The following ANKS1B variants were observed in gnomAD, a reference collection of about 807,000 sequenced individuals.
ANKS1B encodes the protein ankyrin repeat and sterile alpha motif domain containing 1B, also known as ankyrin repeat and sterile alpha motif domain-containing protein 1B.
In ANKS1B, 36 loss-of-function variants were observed where a neutral mutation model predicts 148.3. That is an observed-to-expected ratio of 0.24 (90% CI 0.19 to 0.32). The LOEUF is 0.32. ANKS1B is among the 10% of genes least tolerant of loss of function. The pLI is 1.00. For synonymous variants in ANKS1B, 542 were observed against 560.8 expected (o/e 0.97, Z 0.47); for missense variants, 1,157 against 1,542.6 (o/e 0.75, Z 4.19).
chr12:98,966,410 A>G (rs2099877932), intron 17 of ANKS1B, among the ~76,000 whole-genome samples: 1 of 152,220 alleles, frequency 6.6e-6, no homozygotes, highest in Non-Finnish European at 1.5e-5. Flanking sequence ...CAGGTGCCGG[A>G]GAGGCTGTGG....
chr12:98,740,148 T>C (rs560482039), downstream of ANKS1B, among the ~76,000 whole-genome samples: 6 of 152,322 alleles, frequency 3.9e-5, no homozygotes, highest in Admixed American at 6.5e-5. Context: ...TGTGTGGCTT[T>C]GGCTGTCAAG....
intron 12 of ANKS1B, among the ~76,000 whole-genome samples, chr12:99,313,865 G>A (rs749516996): frequency 2.0e-5 from 3 of 152,114 alleles, no homozygotes; most frequent in Non-Finnish European, 4.4e-5. Flanking sequence ...TACAAGACAA[G>A]GATGCCCTTT....
intron 17 of ANKS1B, among the ~76,000 whole-genome samples, chr12:98,945,680 A>G (rs1185236767): frequency 6.6e-6 from 1 of 152,042 alleles, no homozygotes; most frequent in Non-Finnish European, 1.5e-5. Flanking sequence ...TTTGTTTTGC[A>G]TTCATTCCTC....
chr12:99,037,522 GA>G (rs2099956287), intron 17 of ANKS1B, among the ~76,000 whole-genome samples: 1 of 151,930 alleles, frequency 6.6e-6, no homozygotes, highest in Non-Finnish European at 1.5e-5. Flanking sequence ...AATTCTTACA[GA>G]AACTTGATAC....
At chr12:98,851,737 G>T (rs2099527464) in intron 17 of ANKS1B, among the ~76,000 whole-genome samples, 3 of 152,050 alleles carry the variant, frequency 2.0e-5, no homozygotes, top group Admixed American at 2.0e-4. Context: ...ACCAACCAAG[G>T]TTTTAAAGAA....
chr12:98,842,550 A>G (rs750096546), intron 17 of ANKS1B, among the ~76,000 whole-genome samples: 6 of 152,226 alleles, frequency 3.9e-5, no homozygotes, highest in African/African-American at 1.2e-4. Flanking sequence ...AACTGTATAC[A>G]TAAAATGGGC....
chr12:99,344,651 C>T (rs73149181), intron 12 of ANKS1B, among the ~76,000 whole-genome samples: 16,318 of 152,022 alleles, frequency 0.11, 876 homozygotes, highest in Non-Finnish European at 0.13. Context: ...AATACATGAA[C>T]CAAATATCCT....
chr12:99,716,169 C>T (rs1215339473), intron 8 of ANKS1B, among the ~76,000 whole-genome samples: 1 of 151,928 alleles, frequency 6.6e-6, no homozygotes, highest in Non-Finnish European at 1.5e-5. Flanking sequence ...GTGCCCCGAC[C>T]TCTTATCTCT....
intron 11 of ANKS1B, among the ~76,000 whole-genome samples, chr12:99,404,690 T>C (rs2094491787): frequency 6.9e-6 from 1 of 145,386 alleles, no homozygotes; most frequent in Non-Finnish European, 1.5e-5. Context: ...CTAACAGTTA[T>C]TGGCCTTATA....
chr12:99,620,300 GAA>G (rs2153370796), intron 9 of ANKS1B, among the ~76,000 whole-genome samples: 1 of 152,272 alleles, frequency 6.6e-6, no homozygotes, highest in African/African-American at 2.4e-5. Flanking sequence ...CTCCAGATGA[GAA>G]AGATTCTGGC....
intron 10 of ANKS1B, among the ~76,000 whole-genome samples, chr12:99,461,662 T>C (rs1433486072): frequency 6.6e-6 from 1 of 152,192 alleles, no homozygotes; most frequent in Non-Finnish European, 1.5e-5. Context: ...AGAATTAGCA[T>C]GTATCTCCCA....
intron 14 of ANKS1B, among the ~76,000 whole-genome samples, chr12:99,155,738 GA>G (rs1288222330): frequency 6.6e-6 from 1 of 152,168 alleles, no homozygotes; most frequent in Non-Finnish European, 1.5e-5. Context: ...AGAACTTGCA[GA>G]AAGGTTAGTC....
chr12:99,719,979 C>G (rs960839498), intron 8 of ANKS1B, among the ~76,000 whole-genome samples: 1 of 152,224 alleles, frequency 6.6e-6, no homozygotes, highest in Admixed American at 6.5e-5. Flanking sequence ...TCTTCCCACA[C>G]AAGGCAAATG....
chr12:99,570,541 G>C (rs2097443025), intron 9 of ANKS1B, among the ~76,000 whole-genome samples: 1 of 151,920 alleles, frequency 6.6e-6, no homozygotes. Flanking sequence ...CAGCTACTCA[G>C]GAGGCTGAGG....
intron 1 of ANKS1B, among the ~76,000 whole-genome samples, chr12:99,929,911 T>G (rs1367102476): frequency 2.6e-5 from 4 of 151,914 alleles, no homozygotes; most frequent in Admixed American, 2.0e-4. Context: ...CCTTGTAGTA[T>G]AGTTTGAAGT....
intron 20 of ANKS1B, among the ~76,000 whole-genome samples, chr12:98,803,414 G>A (rs1348803873): frequency 6.6e-6 from 1 of 151,904 alleles, no homozygotes; most frequent in Non-Finnish European, 1.5e-5. Context: ...ACAACAACAC[G>A]GCAAACAGGT....
chr12:99,555,093 A>G (rs2097262404), intron 9 of ANKS1B, among the ~76,000 whole-genome samples: 1 of 152,140 alleles, frequency 6.6e-6, no homozygotes, highest in Non-Finnish European at 1.5e-5. Context: ...TGTCTTTGCT[A>G]TTGTGAGTAG....
chr12:99,749,641 C>T (rs1315913003), intron 8 of ANKS1B, among the ~76,000 whole-genome samples: 1 of 151,916 alleles, frequency 6.6e-6, no homozygotes, highest in East Asian at 1.9e-4. Flanking sequence ...TGGGTGTTAC[C>T]TCTTTGATGG....
intron 17 of ANKS1B, among the ~76,000 whole-genome samples, chr12:98,940,367 AG>A (rs1597290233): frequency 6.6e-6 from 1 of 152,094 alleles, no homozygotes; most frequent in Non-Finnish European, 1.5e-5. Context: ...TGCTGTGAGG[AG>A]GGGGGTGCAG....
Sources: allele counts gnomAD v4.1 joint callset (sites outside exome capture counted in the v4.1 genomes callset), GRCh38; gene constraint gnomAD v4.1.1; transcripts MANE v1.5; gene names NCBI Gene and HGNC (gene_info 2026-07-23, HGNC 2026-07-21).